The following MACROD2 variants were observed in gnomAD, a reference collection of about 807,000 sequenced individuals.
The protein encoded by MACROD2 is ADP-ribose glycohydrolase MACROD2.
In MACROD2, 36 loss-of-function variants were observed where a neutral mutation model predicts 70.4. The observed-to-expected ratio is 0.51, with a 90% CI of 0.39 to 0.68. The LOEUF (loss-of-function observed/expected upper bound fraction) is 0.68. MACROD2 is among the 30% of genes least tolerant of loss of function. MACROD2 has a pLI of 0.00. For missense variants in MACROD2, 496 were observed against 538.4 expected (o/e 0.92, Z 0.78); for synonymous variants, 172 against 178.8 (o/e 0.96, Z 0.30).
chr20:14,697,299 C>T (rs1022902486), intron 5 of MACROD2, among the ~76,000 whole-genome samples: 5 of 152,176 alleles, frequency 3.3e-5, no homozygotes, highest in Admixed American at 2.0e-4. Flanking sequence ...CTGAGAAGAA[C>T]GATGCCAGAT....
intron 13 of MACROD2, among the ~76,000 whole-genome samples, chr20:15,972,192 A>AG (rs139124330): frequency 0.041 from 6,273 of 152,128 alleles, 455 homozygotes; most frequent in African/African-American, 0.14. Context: ...TAAGTGACTG[A>AG]GGGGAAAAAA....
chr20:14,699,554 G>A (rs1325600606), intron 5 of MACROD2, among the ~76,000 whole-genome samples: 3 of 152,126 alleles, frequency 2.0e-5, no homozygotes, highest in Non-Finnish European at 4.4e-5. Context: ...GGACAGAGAA[G>A]GAAATAGCAT....
intron 8 of MACROD2, among the ~76,000 whole-genome samples, chr20:15,759,463 A>G (rs908579586): frequency 8.5e-5 from 13 of 152,184 alleles, no homozygotes; most frequent in African/African-American, 2.9e-4. Context: ...ATTTGGCAAT[A>G]ATTTACATGT....
chr20:14,073,134 G>C (rs530017678), intron 2 of MACROD2, among the ~76,000 whole-genome samples: 3 of 151,972 alleles, frequency 2.0e-5, no homozygotes, highest in Admixed American at 6.6e-5. Flanking sequence ...TCAAGAGTTC[G>C]AGACCAGCAT....
At chr20:15,591,669 A>T (rs2048682902) in intron 8 of MACROD2, among the ~76,000 whole-genome samples, 1 of 145,880 alleles carries the variant, frequency 6.9e-6, no homozygotes, top group Non-Finnish European at 1.5e-5. Context: ...GTGATTTCTG[A>T]CTTTTATTTT....
chr20:14,210,050 C>T (rs2081558049), intron 3 of MACROD2, among the ~76,000 whole-genome samples: 1 of 152,058 alleles, frequency 6.6e-6, no homozygotes, highest in Non-Finnish European at 1.5e-5. Flanking sequence ...AAAAATAAAG[C>T]TCATATTGAG....
intron 6 of MACROD2, among the ~76,000 whole-genome samples, chr20:15,350,778 C>T (rs6034161): frequency 0.18 from 27,295 of 151,968 alleles, 2,688 homozygotes; most frequent in Non-Finnish European, 0.23. Context: ...GCAACTTAGA[C>T]TTATTACTGA....
Position 15,452,911 on chromosome 20 carries a change from T to C in MACROD2, c.571+21476T>C, listed in dbSNP as rs73272930. On this transcript the variant is annotated intron_variant, in intron 7 of 17. Coordinates refer to ENST00000684519, the MANE Select transcript of MACROD2 (RefSeq NM_001351661.2). ...AAAGCCACATTTAAAACATTTCTCA[T>C]CTCTAATACTAACTCAGAAAACTAC... 3.8e-3 allele frequency among the ~76,000 whole-genome samples: 581 copies of C among 152,318 alleles called. 4 individuals are homozygous for C. Among genetic ancestry groups the C allele is most frequent in the African/African-American group, 0.013 (559 of 41,570 alleles).
intron 3 of MACROD2, among the ~76,000 whole-genome samples, chr20:14,469,450 A>G (rs1262462608): frequency 6.6e-6 from 1 of 151,794 alleles, no homozygotes; most frequent in African/African-American, 2.4e-5. Context: ...TGTTCTCTCT[A>G]CTTCCTGAAT....
intron 5 of MACROD2, among the ~76,000 whole-genome samples, chr20:14,702,556 T>C (rs897670802): frequency 7.6e-6 from 1 of 130,770 alleles, no homozygotes; most frequent in East Asian, 2.4e-4. Context: ...TGTGTGTGTA[T>C]ATATATATAC....
At chr20:15,591,097 T>G (rs1205849265) in intron 8 of MACROD2, among the ~76,000 whole-genome samples, 1 of 152,188 alleles carries the variant, frequency 6.6e-6, no homozygotes, top group Non-Finnish European at 1.5e-5. Context: ...ACCAGCCAGG[T>G]AGAGGAGGAT....
intron 5 of MACROD2, among the ~76,000 whole-genome samples, chr20:15,104,585 A>G (rs11698506): frequency 6.6e-6 from 1 of 152,178 alleles, no homozygotes; most frequent in Non-Finnish European, 1.5e-5. Flanking sequence ...GGTAATTTGG[A>G]CAGCCTTTGT....
chr20:14,136,884 C>T (rs997015066), intron 3 of MACROD2, among the ~76,000 whole-genome samples: 1 of 152,150 alleles, frequency 6.6e-6, no homozygotes, highest in East Asian at 1.9e-4. Flanking sequence ...TTCCATCTGC[C>T]CCCAGAATTC....
chr20:15,283,467 G>A (rs1196046470), intron 6 of MACROD2, among the ~76,000 whole-genome samples: 4 of 152,182 alleles, frequency 2.6e-5, no homozygotes, highest in African/African-American at 9.7e-5. Context: ...GAGGTCAGGA[G>A]TTCAAGACCA....
intron 8 of MACROD2, among the ~76,000 whole-genome samples, chr20:15,514,057 TA>T (rs2047535016): frequency 6.6e-6 from 1 of 151,966 alleles, no homozygotes; most frequent in Admixed American, 6.6e-5. Context: ...AATAAGGAGA[TA>T]AAGAAAGAAA....
At chr20:15,462,928 A>G (rs1222514452) in intron 7 of MACROD2, among the ~76,000 whole-genome samples, 1 of 152,240 alleles carries the variant, frequency 6.6e-6, no homozygotes, top group East Asian at 1.9e-4. Context: ...CAAATTCACA[A>G]GCCACTATTC....
At chr20:15,953,377 A>C (rs2065933068) in intron 12 of MACROD2, among the ~76,000 whole-genome samples, 1 of 152,176 alleles carries the variant, frequency 6.6e-6, no homozygotes, top group Non-Finnish European at 1.5e-5. Context: ...GAATGTTCCC[A>C]AAACAAAGAA....
intron 2 of MACROD2, among the ~76,000 whole-genome samples, chr20:14,015,675 T>G (rs2052978687): frequency 6.6e-6 from 1 of 152,248 alleles, no homozygotes; most frequent in Non-Finnish European, 1.5e-5. Flanking sequence ...TATTCTTGAC[T>G]GTCTCTATAA....
At chr20:15,174,905 G>C (rs1489089994) in intron 5 of MACROD2, among the ~76,000 whole-genome samples, 1 of 151,802 alleles carries the variant, frequency 6.6e-6, no homozygotes, top group Admixed American at 6.6e-5. Flanking sequence ...CTGGATATTA[G>C]CCCTTTGTCA....
Sources: allele counts gnomAD v4.1 joint callset (sites outside exome capture counted in the v4.1 genomes callset), GRCh38; gene constraint gnomAD v4.1.1; transcripts MANE v1.5; gene names NCBI Gene and HGNC (gene_info 2026-07-23, HGNC 2026-07-21).